The following IPO8 variants were observed in gnomAD, a reference collection of about 807,000 sequenced individuals.
The protein encoded by IPO8 is importin 8, also known as importin-8.
IPO8 carries 65 observed loss-of-function variants against 141.2 expected under a neutral mutation model. The observed-to-expected ratio is 0.46, with a 90% CI of 0.38 to 0.57. IPO8 has a LOEUF of 0.57. Among genes scored for constraint, IPO8 ranks in the 20% least tolerant of loss-of-function variants. IPO8 has a pLI of 0.00. For synonymous variants in IPO8, 411 were observed against 420.3 expected, an observed-to-expected ratio of 0.98 and a Z score of 0.27; for missense variants, 980 against 1,246.8, an observed-to-expected ratio of 0.79 and a Z score of 3.22.
chr12:30,669,147 C>G, intron 10 of IPO8, 36 bp downstream of exon 10: 1 of 893,446 alleles, frequency 1.1e-6, no homozygotes, highest in Non-Finnish European at 1.8e-6. Flanking sequence ...CTTTACATAT[C>G]CAGGAACTGA....
chr12:30,659,247 T>C (rs1448081364), intron 16 of IPO8, among the ~76,000 whole-genome samples: 2 of 152,074 alleles, frequency 1.3e-5, no homozygotes, highest in Non-Finnish European at 2.9e-5. Context: ...CCCAGCACTT[T>C]CAGAAGCCAA....
At chr12:30,676,934 T>A in intron 5 of IPO8, 1 of 1,533,132 alleles carries the variant, frequency 6.5e-7, no homozygotes, top group East Asian at 2.4e-5. Flanking sequence ...ACCACCTTGA[T>A]GAAAATATTT....
chr12:30,679,895 A>T (rs2053166875), intron 5 of IPO8, among the ~76,000 whole-genome samples: 1 of 152,178 alleles, frequency 6.6e-6, no homozygotes, highest in South Asian at 2.1e-4. Flanking sequence ...CAAGGATTTG[A>T]TGTTAAATAT....
chr12:30,633,995 C>A, intron 23 of IPO8, 88 bp downstream of exon 23: 1 of 1,229,562 alleles, frequency 8.1e-7, no homozygotes, highest in Non-Finnish European at 1.1e-6. Context: ...GAACCTAGAC[C>A]AATCTTGGGC....
In IPO8 at chr12:30,675,788, G is replaced by A. The variant is rs191829465; in HGVS notation, c.729+710C>T. Among the ~76,000 whole-genome samples, 996 of 149,894 alleles carry A rather than the reference G, an allele frequency of 6.6e-3. 6 individuals carry two copies. Among genetic ancestry groups the A allele is most frequent in the African/African-American group, 0.023 (948 of 40,634 alleles). The stretch of plus-strand genomic sequence containing the variant: ...GAACCCGGGAGGCGGAGCTTGCAGT[G>A]AGCCAAGATCATGCCACTGCACTCC... On this transcript the variant is annotated intron_variant, in intron 6 of 24. Transcript: ENST00000256079.
chr12:30,667,144 T>C (rs1433592658), intron 10 of IPO8, among the ~76,000 whole-genome samples: 5 of 152,194 alleles, frequency 3.3e-5, no homozygotes, highest in Non-Finnish European at 1.5e-5. Flanking sequence ...ATTTTTGGAG[T>C]ACTGTACTTA....
intron 2 of IPO8, 58 bp from the exon 3 acceptor site, chr12:30,684,515 C>A: frequency 6.5e-7 from 1 of 1,541,216 alleles, no homozygotes; most frequent in South Asian, 1.2e-5. Flanking sequence ...TTTAATTCAG[C>A]CTTACAGAGC....
At chr12:30,656,779 A>G (rs767664777) in intron 16 of IPO8, 29 bp from the exon 17 acceptor site, 1 of 1,088,402 alleles carries the variant, frequency 9.2e-7, no homozygotes, top group South Asian at 1.7e-5. Context: ...TATTAAGCTT[A>G]AAATTATCAT....
chr12:30,695,060 G>A lies in IPO8; in HGVS notation c.84+504C>T, dbSNP rs2053324745. 2 of 455,426 alleles carry A rather than the reference G, an allele frequency of 4.4e-6. No individual in the cohort carries two copies. Among genetic ancestry groups the A allele is most frequent in the Non-Finnish European group, 8.8e-6 (2 of 227,094 alleles). The allele number at this position is 455,426 out of a possible 1,614,324, so 28.2% of individuals were successfully genotyped here. ...CACTCTCCCAACAGCACTGCCCAGC[G>A]CTCCGCAAAACTCGGCCAATCGGTG... is the stretch of plus-strand genomic sequence containing the variant. On this transcript the variant is annotated intron_variant, in intron 1 of 24. Coordinates refer to ENST00000256079, the MANE Select transcript of IPO8 (RefSeq NM_006390.4). The surrounding 1 kb of genome is among the most constrained non-coding windows in gnomAD (Gnocchi z 4.2).
rs1462247228 is a variant in IPO8, at chr12:30,690,564, A to G, written c.98T>C (p.Ile33Thr). 6.3e-7 allele frequency: 1 copy of G among 1,579,834 alleles called. No homozygotes were observed. The highest frequency in any genetic ancestry group is 8.6e-7 in the Non-Finnish European group (1 of 1,158,998). ...CCGAAGTAAACTGGGGGCAAAATTG[A>G]TAATCTTGTAGGACTGAAATTACAA... The part of the protein sequence containing the change: ...ENELNQSYKI[I>T]NFAPSLLRII... The change falls in exon 2 of 25, where the codon ATC becomes ACC. Residue 33 changes from isoleucine (I) to threonine (T), a missense_variant. By Grantham distance (89) the Ile-to-Thr change is moderately conservative. Coordinates refer to ENST00000256079, the MANE Select transcript of IPO8 (RefSeq NM_006390.4).
chr12:30,688,116 T>G (rs2053259986), intron 2 of IPO8, among the ~76,000 whole-genome samples: 1 of 152,128 alleles, frequency 6.6e-6, no homozygotes, highest in Admixed American at 6.5e-5. Context: ...TCTCTTCAGA[T>G]GTAAGAAGTA....
chr12:30,631,930 ACCT>A lies in IPO8; in HGVS notation c.2978_2980del (p.Glu993del). On this transcript the variant is annotated inframe_deletion, in exon 24 of 25. Transcript: ENST00000256079. The stretch of plus-strand genomic sequence containing the variant: ...CCGTCGGTGCTCTGCCAGTGTGTAC[ACCT>A]CCTGCAGTGCTGTCCTCTGATCCTC... 1 of 1,612,742 alleles carries A rather than the reference ACCT, an allele frequency of 6.2e-7. No individual in the cohort carries two copies. The highest frequency in any genetic ancestry group is 8.5e-7 in the Non-Finnish European group (1 of 1,179,902).
At chr12:30,637,767 A>T (rs2052522589) in intron 21 of IPO8, among the ~76,000 whole-genome samples, 1 of 152,252 alleles carries the variant, frequency 6.6e-6, no homozygotes, top group Non-Finnish European at 1.5e-5. Flanking sequence ...AAGTTTGACC[A>T]GTAAACATTA....
chr12:30,652,365 T>A, intron 18 of IPO8, 76 bp from the exon 19 acceptor site: 5 of 839,198 alleles, frequency 6.0e-6, no homozygotes, highest in Non-Finnish European at 9.9e-6. Context: ...AAACCATATT[T>A]CTGTAGCACC....
chr12:30,676,722 A>T, intron 5 of IPO8, 135 bp from the exon 6 acceptor site: 1 of 779,066 alleles, frequency 1.3e-6, no homozygotes. Flanking sequence ...GTATGGTTCA[A>T]CCTAACTTAA....
chr12:30,689,450 G>A (rs528891929), intron 2 of IPO8, among the ~76,000 whole-genome samples: 2 of 152,200 alleles, frequency 1.3e-5, no homozygotes, highest in African/African-American at 2.4e-5. Context: ...CAGAAGTCTT[G>A]TAAACCTTAT....
chr12:30,653,018 G>A lies in IPO8; in HGVS notation c.2023C>T (p.Leu675=). ...TGAAACACTTCATATAGTATACCTA[G>A]AAGCTGCCACATTTGAGGGGAAATA... ...HSISPQMWQL[L]GILYEVFQQD... The change falls in exon 18 of 25, where the codon CTA becomes TTA. Residue 675 remains leucine, a synonymous_variant. Coordinates refer to ENST00000256079, the MANE Select transcript of IPO8 (RefSeq NM_006390.4). 6.2e-7 allele frequency: 1 copy of A among 1,612,020 alleles called. No individual in the cohort carries two copies. The highest frequency in any genetic ancestry group is 8.5e-7 in the Non-Finnish European group (1 of 1,178,754).
In IPO8 at chr12:30,646,055, CAAGAA is replaced by C. The variant is rs1355380420; in HGVS notation, c.2268+3077_2268+3081del. On this transcript the variant is annotated intron_variant, in intron 20 of 24. Transcript: ENST00000256079. ...TACCAAAGCCAGACAAAAAACATCA[CAAGAA>C]AAGAAAGTTAGAGATCAATATATAT... Among the ~76,000 whole-genome samples, 3 of 151,996 alleles carry C rather than the reference CAAGAA, an allele frequency of 2.0e-5. No homozygotes were observed. The East Asian group carries it at 5.8e-4, about 29-fold the overall frequency.
Position 30,695,691 on chromosome 12 carries a change from A to G in IPO8, c.-44T>C, listed in dbSNP as rs2053333009. Reference sequence around the variant, plus strand: ...CGCGGCCCCCGGAACAGTAGGCCGGACTGCAGCTTTAGTTTTCTTTTGACC... The same window carrying G: ...CGCGGCCCCCGGAACAGTAGGCCGGGCTGCAGCTTTAGTTTTCTTTTGACC... On this transcript the variant is annotated 5_prime_UTR_variant, in exon 1 of 25. Coordinates refer to ENST00000256079, the MANE Select transcript of IPO8 (RefSeq NM_006390.4). The surrounding 1 kb of genome is among the most constrained non-coding windows in gnomAD (Gnocchi z 4.2). The G allele has an allele frequency of 1.3e-6, 2 of 1,560,094 alleles. No individual in the cohort carries two copies. Among genetic ancestry groups the G allele is most frequent in the African/African-American group, 1.4e-5 (1 of 73,424 alleles).
Sources: allele counts gnomAD v4.1 joint callset (sites outside exome capture counted in the v4.1 genomes callset), GRCh38; gene constraint gnomAD v4.1.1; non-coding constraint Gnocchi (gnomAD v3.1); transcripts MANE v1.5; gene names NCBI Gene and HGNC (gene_info 2026-07-23, HGNC 2026-07-21).